ARHGEF12: variants seen among roughly 807,000 people sequenced by gnomAD.
ARHGEF12 encodes Rho guanine nucleotide exchange factor 12, also known as KMT2A/ARHGEF12 fusion protein.
In ARHGEF12, 66 loss-of-function variants were observed where a neutral mutation model predicts 211.2. The ratio of observed to expected loss-of-function variants is 0.31; its 90% confidence interval spans 0.26 to 0.38. The LOEUF (loss-of-function observed/expected upper bound fraction) is 0.38, where lower values mean the gene tolerates loss of function less well. Among genes scored for constraint, ARHGEF12 ranks in the 10% least tolerant of loss-of-function variants. The pLI, the probability that ARHGEF12 is intolerant of heterozygous loss-of-function variation, is 1.00. For synonymous variants in ARHGEF12, 592 were observed against 638.4 expected (o/e 0.93, Z 1.09); for missense variants, 1,429 against 1,869.5 (o/e 0.76, Z 4.34).
At chr11:120,338,355 C>G (rs1591471034) in intron 1 of ARHGEF12, among the ~76,000 whole-genome samples, 1 of 152,202 alleles carries the variant, frequency 6.6e-6, no homozygotes, top group Admixed American at 6.5e-5. Context: ...AATTGTAAGA[C>G]TCATTTGTTG....
At chr11:120,484,786 TCA>T (rs951676203) in intron 40 of ARHGEF12, among the ~76,000 whole-genome samples, 1 of 152,272 alleles carries the variant, frequency 6.6e-6, no homozygotes, top group East Asian at 1.9e-4. Context: ...GCCTGGTAAA[TCA>T]CAGATTCGGT....
intron 4 of ARHGEF12, among the ~76,000 whole-genome samples, chr11:120,416,864 A>G (rs1397398394): frequency 6.6e-6 from 1 of 152,050 alleles, no homozygotes; most frequent in Non-Finnish European, 1.5e-5. Flanking sequence ...GTTGGCCAGG[A>G]TGGTCTCAAT....
At chr11:120,361,849 C>T (rs888943076) in intron 1 of ARHGEF12, among the ~76,000 whole-genome samples, 1 of 152,212 alleles carries the variant, frequency 6.6e-6, no homozygotes, top group Admixed American at 6.5e-5. Context: ...CAGAGCCTGT[C>T]TCAGGCATGC....
chr11:120,482,389 G>A (rs1428459455), intron 39 of ARHGEF12, among the ~76,000 whole-genome samples: 3 of 152,098 alleles, frequency 2.0e-5, no homozygotes, highest in Non-Finnish European at 4.4e-5. Context: ...ATTGGTAATT[G>A]AAGATGTCAC....
At chr11:120,410,568 A>G (rs1944854273) in intron 4 of ARHGEF12, 1 of 152,094 alleles carries the variant, frequency 6.6e-6, no homozygotes, top group South Asian at 2.1e-4. Context: ...AAGACATTTG[A>G]TAATTCACAT....
rs749388194 is a variant in ARHGEF12, at chr11:120,481,555, G to A, written c.4533G>A (p.Glu1511=). 1.9e-6 allele frequency: 3 copies of A among 1,614,070 alleles called. No homozygotes were observed. The highest frequency in any genetic ancestry group is 3.3e-5 in the Admixed American group (2 of 60,022). The change falls in exon 39 of 41, where the codon GAG becomes GAA. Residue 1511 remains glutamate (E), a synonymous_variant. Coordinates refer to ENST00000397843, the MANE Select transcript of ARHGEF12 (RefSeq NM_015313.3). ...SQIMEYIHKI[E]ADLEHLKKVE... Reference sequence around the variant, plus strand: ...TCATGGAGTACATTCATAAGATAGAGGCTGACCTTGAACACTTAAAGGTAC... The same window carrying A: ...TCATGGAGTACATTCATAAGATAGAAGCTGACCTTGAACACTTAAAGGTAC...
At chr11:120,420,952 G>A (rs1185152708) in intron 5 of ARHGEF12, 101 bp downstream of exon 5, 3 of 1,015,894 alleles carry the variant, frequency 3.0e-6, no homozygotes. Flanking sequence ...TACATAGATT[G>A]CAGGTCATGT....
chr11:120,388,896 C>T (rs1565446052), intron 1 of ARHGEF12, among the ~76,000 whole-genome samples: 1 of 151,274 alleles, frequency 6.6e-6, no homozygotes, highest in Non-Finnish European at 1.5e-5. Flanking sequence ...GAGTTTTGCT[C>T]TTGTTTCCCA....
At chr11:120,468,753 C>T (rs1211470979) in intron 29 of ARHGEF12, among the ~76,000 whole-genome samples, 1 of 152,146 alleles carries the variant, frequency 6.6e-6, no homozygotes, top group Non-Finnish European at 1.5e-5. Flanking sequence ...GCCTTGCCGC[C>T]TCAATACGTT....
rs2135757996 is a variant in ARHGEF12 at position 120,437,369 on chromosome 11, C to T, written c.986C>T (p.Thr329Ile). 1 of 1,611,892 alleles carries T rather than the reference C, an allele frequency of 6.2e-7. No homozygotes were observed. Among genetic ancestry groups the T allele is most frequent in the Non-Finnish European group, 8.5e-7 (1 of 1,178,852 alleles). ...GAGGAAAACCCAGAGAAAAGTGAAA[C>T]AATTCAGGACACTGTGAGTATGAAA... ...YLEENPEKSE[T>I]IQDTDTQSLV... Residue 329 changes from threonine to isoleucine, a missense_variant, in exon 12 of 41, where the codon ACA becomes ATA. Thr to Ile is a moderately conservative substitution (Grantham distance 89). Around this residue, in one of 7 missense-constraint regions of ARHGEF12, gnomAD observed 254 missense variants for 286.4 expected, o/e 0.89. Transcript: ENST00000397843.
Position 120,446,965 on chromosome 11 carries a change from G to C in ARHGEF12, c.1469G>C (p.Gly490Ala). 6.2e-7 allele frequency: 1 copy of C among 1,614,156 alleles called. No individual in the cohort carries two copies. Among genetic ancestry groups the C allele is most frequent in the Non-Finnish European group, 8.5e-7 (1 of 1,180,006 alleles). The stretch of plus-strand genomic sequence containing the variant: ...CCCTTCAGGCAGAAACGTAGTATGG[G>C]ACTGACCTTGGCTGAAAGCGAGCTG... ...LEDFRQKRSM[G>A]LTLAESELTK... is the part of the protein sequence containing the mutation. The change falls in exon 18 of 41, where the codon GGA becomes GCA. Residue 490 changes from glycine to alanine, a missense_variant. Coordinates refer to ENST00000397843, the MANE Select transcript of ARHGEF12 (RefSeq NM_015313.3).
At chr11:120,460,865 G>T in intron 27 of ARHGEF12, 108 bp downstream of exon 27, 1 of 955,772 alleles carries the variant, frequency 1.0e-6, no homozygotes, top group Non-Finnish European at 1.6e-6. Context: ...ATGTTGCAAA[G>T]TTAATGCAAA....
chr11:120,396,272 C>A (rs909442214), intron 1 of ARHGEF12, among the ~76,000 whole-genome samples: 3 of 152,190 alleles, frequency 2.0e-5, no homozygotes, highest in Non-Finnish European at 4.4e-5. Context: ...AAACACAAAT[C>A]TTCCTTACAG....
intron 1 of ARHGEF12, among the ~76,000 whole-genome samples, chr11:120,359,265 C>A (rs1943214652): frequency 6.6e-6 from 1 of 152,098 alleles, no homozygotes; most frequent in East Asian, 1.9e-4. Context: ...CACTGTGTTG[C>A]TCAGGCTGGG....
chr11:120,361,674 G>T (rs1292773982), intron 1 of ARHGEF12, among the ~76,000 whole-genome samples: 2 of 152,140 alleles, frequency 1.3e-5, no homozygotes, highest in African/African-American at 2.4e-5. Context: ...TCCTTAACTG[G>T]TCCTTTCAGA....
chr11:120,397,782 G>A (rs11602796), intron 1 of ARHGEF12, among the ~76,000 whole-genome samples: 27,848 of 152,106 alleles, frequency 0.18, 2,911 homozygotes, highest in Non-Finnish European at 0.23. Flanking sequence ...AACCAGCACT[G>A]TAGTGAAATA....
At chr11:120,385,269 G>A (rs1943995835) in intron 1 of ARHGEF12, 1 of 983,332 alleles carries the variant, frequency 1.0e-6, no homozygotes, top group Non-Finnish European at 1.2e-6. Context: ...GTAGATGATT[G>A]GGGGTGGGAG....
At chr11:120,459,079 T>G in intron 25 of ARHGEF12, 95 bp from the exon 26 acceptor site, 1 of 979,742 alleles carries the variant, frequency 1.0e-6, no homozygotes, top group Non-Finnish European at 1.4e-6. Context: ...ATTTATTATA[T>G]AATTCATTTG....
chr11:120,373,737 A>G (rs1186491271), intron 1 of ARHGEF12, among the ~76,000 whole-genome samples: 1 of 152,160 alleles, frequency 6.6e-6, no homozygotes, highest in Admixed American at 6.5e-5. Flanking sequence ...TCAGGGAGCA[A>G]CTATTATCTT....
Sources: allele counts gnomAD v4.1 joint callset (sites outside exome capture counted in the v4.1 genomes callset), GRCh38; gene constraint gnomAD v4.1.1; regional missense constraint gnomAD v4.1.1; transcripts MANE v1.5; gene names NCBI Gene and HGNC (gene_info 2026-07-23, HGNC 2026-07-21).